EPS15L1: variants seen among roughly 807,000 people sequenced by gnomAD.
The protein encoded by EPS15L1 is epidermal growth factor receptor pathway substrate 15 like 1.
EPS15L1 carries 43 observed loss-of-function variants against 117.1 expected under a neutral mutation model. That is an observed-to-expected ratio of 0.37 (90% CI 0.29 to 0.47). The LOEUF (loss-of-function observed/expected upper bound fraction) is 0.47. Ranked by LOEUF, EPS15L1 falls within the 20% of genes least tolerant of loss-of-function variation. The pLI, the probability that EPS15L1 is intolerant of heterozygous loss-of-function variation, is 0.99. For missense variants in EPS15L1, 981 were observed against 1,164.0 expected, an observed-to-expected ratio of 0.84 and a Z score of 2.29; for synonymous variants, 459 against 470.5, an observed-to-expected ratio of 0.98 and a Z score of 0.32.
intron 21 of EPS15L1, chr19:16,384,036 C>T (rs1202821400): frequency 6.6e-6 from 1 of 152,380 alleles, no homozygotes; most frequent in Non-Finnish European, 1.5e-5. Context: ...CCACACCGGC[C>T]ACCCCTTACC....
At chr19:16,392,835 CT>C (rs2092492405) in intron 18 of EPS15L1, among the ~76,000 whole-genome samples, 1 of 152,008 alleles carries the variant, frequency 6.6e-6, no homozygotes, top group South Asian at 2.1e-4. Context: ...AGGAGGATCA[CT>C]TGAGGCCAGG....
chr19:16,457,060 G>A (rs988880610), intron 1 of EPS15L1, among the ~76,000 whole-genome samples: 3 of 152,162 alleles, frequency 2.0e-5, no homozygotes, highest in Admixed American at 2.0e-4. Context: ...GAAGTGATCA[G>A]AGAGAGACTG....
intron 1 of EPS15L1, among the ~76,000 whole-genome samples, chr19:16,447,656 A>G (rs2093097743): frequency 6.6e-6 from 1 of 151,976 alleles, no homozygotes; most frequent in Admixed American, 6.6e-5. Flanking sequence ...GTTACTCAGG[A>G]GGCTGAGGCA....
chr19:16,367,497 T>TAAAAAA (rs71178691), intron 22 of EPS15L1, among the ~76,000 whole-genome samples: 10 of 65,306 alleles, frequency 1.5e-4, no homozygotes, highest in South Asian at 8.0e-4. Flanking sequence ...TATGTGCTGT[T>TAAAAAA]AAAAAAAAAA....
rs974236044 is a variant in EPS15L1 at position 16,425,325 on chromosome 19, GCA to G, written c.559-11_559-10del. The G allele has an allele frequency of 1.3e-6, 2 of 1,568,182 alleles. No homozygotes were observed. The highest frequency in any genetic ancestry group is 1.7e-6 in the Non-Finnish European group (2 of 1,152,126). On this transcript the variant is annotated splice_polypyrimidine_tract_variant and intron_variant, in intron 8 of 23. Coordinates refer to ENST00000455140, the MANE Select transcript of EPS15L1 (RefSeq NM_001258374.3). ...TACACCAAGTGCATGGCCTGCAGGT[GCA>G]AACAACAATGGCACTGAAGGGGCAA...
rs528344778 is a variant in EPS15L1 at position 16,391,869 on chromosome 19, C to T, written c.2103+435G>A. On this transcript the variant is annotated intron_variant, in intron 19 of 23. Transcript: ENST00000455140. The stretch of plus-strand genomic sequence containing the variant: ...CACCTACCAAACGTGACTCTAAGGT[C>T]CCCACCAGTGCTGTGTGTTACAAGG... Among the ~76,000 whole-genome samples the T allele has an allele frequency of 2.6e-5, 4 of 152,164 alleles. No individual in the cohort carries two copies. The South Asian group carries it at 8.3e-4, about 32-fold the overall frequency.
At position 16,404,666 on chromosome 19, in the gene EPS15L1, G is replaced by A. The variant is rs145683476; in HGVS notation, c.1350C>T (p.Asp450=). The change falls in exon 14 of 24, where the codon GAC becomes GAT. Residue 450 remains aspartate (D), a synonymous_variant. Transcript: ENST00000455140. This position sits in a 1 kb window ranked among gnomAD's most constrained non-coding sequence, Gnocchi z 4.2. The stretch of plus-strand genomic sequence containing the variant: ...GCTTGGCCTTCTGCTGGTCCATCTC[G>A]TCCAGGCGGTCTTGAGCATCCTGTT... ...AQKQDAQDRL[D]EMDQQKAKLR... 27 of 1,614,158 alleles carry A rather than the reference G, an allele frequency of 1.7e-5. No individual in the cohort carries two copies. The highest frequency in any genetic ancestry group is 5.3e-5 in the African/African-American group (4 of 75,042).
At position 16,365,097 on chromosome 19, in the gene EPS15L1, AG is replaced by A. The variant is rs961799529; in HGVS notation, c.2381-3114del. ...TCCCAACTGGAATGCCATCACAGGC[AG>A]TGGCCTTCTCAGGGAAGAAATGGCA... On this transcript the variant is annotated intron_variant, in intron 22 of 23. Transcript: ENST00000455140. This position sits in a 1 kb window ranked among gnomAD's most constrained non-coding sequence, Gnocchi z 4.9. Among the ~76,000 whole-genome samples, 4 of 152,246 alleles carry A rather than the reference AG, an allele frequency of 2.6e-5. No individual in the cohort carries two copies. The highest frequency in any genetic ancestry group is 9.6e-5 in the African/African-American group (4 of 41,472).
intron 21 of EPS15L1, among the ~76,000 whole-genome samples, chr19:16,380,967 C>A (rs115492068): frequency 7.0e-4 from 107 of 152,336 alleles, no homozygotes; most frequent in African/African-American, 2.5e-3. Flanking sequence ...CCAGTCAGAG[C>A]CACATCAGAG....
chr19:16,431,959 G>A (rs191965386), intron 7 of EPS15L1, among the ~76,000 whole-genome samples: 2 of 152,338 alleles, frequency 1.3e-5, no homozygotes, highest in East Asian at 3.9e-4. Context: ...ACAAAATACA[G>A]TAGTCGTGGG....
chr19:16,369,204 C>G (rs1279961262), intron 22 of EPS15L1, among the ~76,000 whole-genome samples: 2 of 152,148 alleles, frequency 1.3e-5, no homozygotes, highest in Admixed American at 6.6e-5. Context: ...GTCCTGCAGG[C>G]ACCAGCCCCG....
chr19:16,449,888 A>G (rs1453137245), intron 1 of EPS15L1, among the ~76,000 whole-genome samples: 1 of 152,224 alleles, frequency 6.6e-6, no homozygotes, highest in African/African-American at 2.4e-5. Flanking sequence ...CTGAATGACA[A>G]AGGCCAAACC....
chr19:16,374,833 G>A (rs544232840), intron 22 of EPS15L1, among the ~76,000 whole-genome samples: 52 of 152,372 alleles, frequency 3.4e-4, no homozygotes, highest in Non-Finnish European at 6.2e-4. Flanking sequence ...AGCACAGAGT[G>A]TGCATGCCCG....
chr19:16,359,089 C>T (rs1007448620), intron 23 of EPS15L1, among the ~76,000 whole-genome samples: 1 of 152,162 alleles, frequency 6.6e-6, no homozygotes, highest in South Asian at 2.1e-4. Flanking sequence ...AAGTGAGGTG[C>T]GGGTGACCTG....
intron 6 of EPS15L1, 34 bp from the exon 7 acceptor site, chr19:16,434,524 G>T: frequency 6.2e-7 from 1 of 1,602,356 alleles, no homozygotes. Flanking sequence ...GTAAGTAGGA[G>T]AGCACACCTG....
At chr19:16,427,172 G>T (rs1450485064) in intron 8 of EPS15L1, among the ~76,000 whole-genome samples, 1 of 152,160 alleles carries the variant, frequency 6.6e-6, no homozygotes, top group Admixed American at 6.5e-5. Flanking sequence ...GTTTTCAAAA[G>T]AATTTTCTGT....
intron 12 of EPS15L1, among the ~76,000 whole-genome samples, chr19:16,414,095 C>T (rs964058623): frequency 6.6e-6 from 1 of 152,100 alleles, no homozygotes; most frequent in Non-Finnish European, 1.5e-5. Flanking sequence ...CACCTGGTTG[C>T]CCAAGTGGAA....
chr19:16,403,641 G>A (rs1047604280), intron 15 of EPS15L1, 92 bp downstream of exon 15: 8 of 1,220,604 alleles, frequency 6.6e-6, no homozygotes, highest in Admixed American at 5.3e-5. Context: ...TAAGTAACAA[G>A]GGTGAGAGCA....
chr19:16,366,829 C>T (rs907520288), intron 22 of EPS15L1, among the ~76,000 whole-genome samples: 12 of 152,168 alleles, frequency 7.9e-5, no homozygotes, highest in Non-Finnish European at 1.8e-4. Context: ...CCCAAACTTC[C>T]CACTTTTGCT....
Sources: allele counts gnomAD v4.1 joint callset (sites outside exome capture counted in the v4.1 genomes callset), GRCh38; gene constraint gnomAD v4.1.1; non-coding constraint Gnocchi (gnomAD v3.1); transcripts MANE v1.5; gene names NCBI Gene and HGNC (gene_info 2026-07-23, HGNC 2026-07-21).